MINDY3: variants seen among roughly 807,000 people sequenced by gnomAD.
MINDY3 encodes MINDY lysine 48 deubiquitinase 3.
A neutral mutation model predicts 69.2 loss-of-function variants in MINDY3; 38 were observed. The ratio of observed to expected loss-of-function variants is 0.55; its 90% CI spans 0.42 to 0.72. MINDY3 has a LOEUF of 0.72. Ranked by LOEUF, MINDY3 falls within the 30% of genes least tolerant of loss-of-function variation. The pLI, the probability that MINDY3 is intolerant of heterozygous loss-of-function variation, is 0.00. For synonymous variants in MINDY3, 192 were observed against 180.1 expected, an observed-to-expected ratio of 1.07 and a Z score of -0.53; for missense variants, 522 against 519.0, an observed-to-expected ratio of 1.01 and a Z score of -0.06.
At chr10:15,784,525 A>T (rs1836802234) in intron 13 of MINDY3, among the ~76,000 whole-genome samples, 1 of 152,146 alleles carries the variant, frequency 6.6e-6, no homozygotes, top group African/African-American at 2.4e-5. Context: ...CGGGTGGAAC[A>T]CCTGAGGTTA....
chr10:15,795,606 G>A (rs1004628757), intron 11 of MINDY3, among the ~76,000 whole-genome samples: 1 of 152,026 alleles, frequency 6.6e-6, no homozygotes, highest in Non-Finnish European at 1.5e-5. Flanking sequence ...CAATGACTCA[G>A]TAGACATTTT....
intron 1 of MINDY3, among the ~76,000 whole-genome samples, chr10:15,849,198 G>T (rs1834090370): frequency 6.6e-6 from 1 of 152,188 alleles, no homozygotes; most frequent in Non-Finnish European, 1.5e-5. Context: ...TGCCAGAGAG[G>T]CAAAGGTGAA....
intron 12 of MINDY3, among the ~76,000 whole-genome samples, chr10:15,788,163 G>C (rs2131845220): frequency 6.6e-6 from 1 of 152,198 alleles, no homozygotes; most frequent in South Asian, 2.1e-4. Context: ...GTAAATTAGA[G>C]CAGTGTAAAC....
chr10:15,829,955 T>C (rs564923847), intron 8 of MINDY3, among the ~76,000 whole-genome samples: 1 of 152,306 alleles, frequency 6.6e-6, no homozygotes, highest in South Asian at 2.1e-4. Flanking sequence ...AGGCCTCTGC[T>C]TGTTCCACCA....
intron 8 of MINDY3, among the ~76,000 whole-genome samples, chr10:15,828,406 G>C (rs530499274): frequency 6.6e-6 from 1 of 152,248 alleles, no homozygotes; most frequent in African/African-American, 2.4e-5. Flanking sequence ...GCGGATGCTA[G>C]GGCTGGCGTG....
chr10:15,848,094 A>G, intron 1 of MINDY3, 151 bp from the exon 2 acceptor site: 1 of 656,764 alleles, frequency 1.5e-6, no homozygotes, highest in East Asian at 2.7e-5. Flanking sequence ...CCTTTTGAAA[A>G]AAAAATCTAT....
chr10:15,813,130 T>C (rs1040903812), intron 10 of MINDY3, among the ~76,000 whole-genome samples: 2 of 152,042 alleles, frequency 1.3e-5, no homozygotes, highest in Non-Finnish European at 2.9e-5. Context: ...CCTTCCCACC[T>C]CCCCCAAAAC....
At chr10:15,816,276 A>T (rs1276915907) in intron 10 of MINDY3, among the ~76,000 whole-genome samples, 2 of 141,320 alleles carry the variant, frequency 1.4e-5, no homozygotes, top group African/African-American at 6.3e-5. Flanking sequence ...AAAAAAAAAA[A>T]AAAATGAAAA....
chr10:15,852,803 C>A (rs1834395536), intron 1 of MINDY3, among the ~76,000 whole-genome samples: 1 of 151,996 alleles, frequency 6.6e-6, no homozygotes, highest in African/African-American at 2.4e-5. Flanking sequence ...GGTTTGGCGA[C>A]CACAGATTCA....
rs1833950574 is a variant in MINDY3 at position 15,847,720 on chromosome 10, T to C, written c.174+144A>G. Reference sequence around the variant, plus strand: ...GGTGAATTCATTTTTATTTTGGATATTTATTGTAATTTACATGAGCAAAAG... The same window carrying C: ...GGTGAATTCATTTTTATTTTGGATACTTATTGTAATTTACATGAGCAAAAG... On this transcript the variant is annotated intron_variant, in intron 2 of 14. Coordinates refer to ENST00000277632, the MANE Select transcript of MINDY3 (RefSeq NM_024948.4). 4 of 523,220 alleles carry C rather than the reference T, an allele frequency of 7.6e-6. No homozygotes were observed. In the South Asian group the frequency reaches 1.2e-4, roughly 16 times the overall value. 32.4% of individuals were successfully genotyped at this position (523,220 alleles called of 1,614,324 possible). A position where few individuals can be genotyped will look rare whatever the true frequency, so the allele number is the denominator to read the frequency against.
intron 9 of MINDY3, among the ~76,000 whole-genome samples, chr10:15,821,035 T>C (rs570096974): frequency 1.1e-4 from 17 of 152,340 alleles, no homozygotes; most frequent in Non-Finnish European, 2.5e-4. Context: ...TCAATAATGG[T>C]TTAAATTCCA....
chr10:15,801,452 C>A (rs1166684968), intron 10 of MINDY3, among the ~76,000 whole-genome samples: 4 of 152,074 alleles, frequency 2.6e-5, no homozygotes, highest in Non-Finnish European at 5.9e-5. Context: ...TTACCTAGTA[C>A]CCTGCCAGTA....
At chr10:15,820,512 TA>T (rs1839687912) in intron 9 of MINDY3, among the ~76,000 whole-genome samples, 1 of 152,156 alleles carries the variant, frequency 6.6e-6, no homozygotes, top group Non-Finnish European at 1.5e-5. Flanking sequence ...GTATATGTGT[TA>T]GGGGGAAGGG....
chr10:15,835,714 C>T (rs1248194439), intron 6 of MINDY3, among the ~76,000 whole-genome samples: 1 of 152,060 alleles, frequency 6.6e-6, no homozygotes, highest in Non-Finnish European at 1.5e-5. Flanking sequence ...AACCAGTCAT[C>T]TTAGATACCA....
At chr10:15,845,920 T>C (rs1378363792) in intron 2 of MINDY3, among the ~76,000 whole-genome samples, 1 of 151,068 alleles carries the variant, frequency 6.6e-6, no homozygotes, top group Non-Finnish European at 1.5e-5. Context: ...CCTTCTGGTT[T>C]CAAGTGATTC....
chr10:15,790,212 A>ACTAT (rs1837304737), intron 11 of MINDY3, among the ~76,000 whole-genome samples: 1 of 152,234 alleles, frequency 6.6e-6, no homozygotes, highest in Admixed American at 6.5e-5. Context: ...GGAATTGTAC[A>ACTAT]CTATCTCTAT....
rs1836308112 is a variant in MINDY3 at position 15,779,044 on chromosome 10, C to T, written c.1286G>A (p.Trp429Ter). The stretch of plus-strand genomic sequence containing the variant: ...GGTCCAGAGTAACTCAATGTATGGC[C>T]ATTTGGTTTGCAGACAGCGTTTAAT... ...TPIKRCLQTKWPYIELLWTTD... is the reference protein window; with the variant it reads ...TPIKRCLQTK Residue 429 changes from tryptophan to a stop codon, truncating the protein, a stop_gained, in exon 15 of 15, where the codon TGG becomes TAG. Transcript: ENST00000277632. LOFTEE classifies it high-confidence loss of function. 1 of 1,613,342 alleles carries T rather than the reference C, an allele frequency of 6.2e-7. No homozygotes were observed.
chr10:15,814,595 T>G (rs537657304), intron 10 of MINDY3, among the ~76,000 whole-genome samples: 4 of 152,058 alleles, frequency 2.6e-5, no homozygotes, highest in African/African-American at 9.6e-5. Flanking sequence ...TTCTCTTAAC[T>G]CCATGTCTCT....
At chr10:15,811,062 C>T (rs1285613462) in intron 10 of MINDY3, among the ~76,000 whole-genome samples, 1 of 152,042 alleles carries the variant, frequency 6.6e-6, no homozygotes, top group Admixed American at 6.6e-5. Flanking sequence ...TGGAAAAATT[C>T]AGTTTTCAAA....
Sources: allele counts gnomAD v4.1 joint callset (sites outside exome capture counted in the v4.1 genomes callset), GRCh38; gene constraint gnomAD v4.1.1; transcripts MANE v1.5; gene names NCBI Gene and HGNC (gene_info 2026-07-23, HGNC 2026-07-21).